The following TRIO variants were observed in gnomAD, a reference collection of about 807,000 sequenced individuals.
TRIO encodes trio Rho guanine nucleotide exchange factor, also known as triple functional domain protein.
In TRIO, 58 loss-of-function variants were observed where a neutral mutation model predicts 351.9. The observed-to-expected ratio is 0.16, with a 90% confidence interval of 0.13 to 0.21. The LOEUF (loss-of-function observed/expected upper bound fraction) is 0.21. TRIO is among the 10% of genes least tolerant of loss of function. TRIO has a pLI of 1.00. For synonymous variants in TRIO, 1,758 were observed against 1,595.7 expected, an observed-to-expected ratio of 1.10 and a Z score of -2.42; for missense variants, 3,201 against 4,027.8, an observed-to-expected ratio of 0.79 and a Z score of 5.56.
intron 1 of TRIO, 97 bp from the exon 2 acceptor site, chr5:14,270,728 T>C: frequency 1.2e-6 from 1 of 858,266 alleles, no homozygotes; most frequent in Non-Finnish European, 1.9e-6. Context: ...TTAATGGATG[T>C]GGATAAAGCT....
intron 49 of TRIO, among the ~76,000 whole-genome samples, chr5:14,496,171 A>G (rs964898341): frequency 5.9e-5 from 9 of 152,238 alleles, no homozygotes; most frequent in African/African-American, 2.2e-4. Context: ...TTGCACACAT[A>G]ATAGACTCTA....
intron 46 of TRIO, among the ~76,000 whole-genome samples, chr5:14,483,121 C>A (rs1755656417): frequency 6.6e-6 from 1 of 152,184 alleles, no homozygotes; most frequent in South Asian, 2.1e-4. Flanking sequence ...AGAAAAAGTT[C>A]ACTCGGTGTC....
At position 14,364,180 on chromosome 5, in the gene TRIO, G is replaced by T. The variant is rs1744398671; in HGVS notation, c.2587+253G>T. On this transcript the variant is annotated intron_variant, in intron 14 of 56. Transcript: ENST00000344204. ...CTTTAATTCTACACAATGATATGTT[G>T]TATCTCTGTAAATGAACTATAAATC... Among the ~76,000 whole-genome samples, 3 of 152,092 alleles carry T rather than the reference G, an allele frequency of 2.0e-5. No homozygotes were observed. In the East Asian group the frequency reaches 5.8e-4, roughly 29 times the overall value.
chr5:14,379,194 T>G (rs1431762015), intron 20 of TRIO, among the ~76,000 whole-genome samples: 1 of 152,204 alleles, frequency 6.6e-6, no homozygotes, highest in Non-Finnish European at 1.5e-5. Flanking sequence ...AGGGCAATTC[T>G]GTGATGACAG....
rs1253010371 is a variant in TRIO, at chr5:14,487,974, C to T, written c.7346C>T (p.Pro2449Leu). ...CTGGGCACCCTGCCGCTTGGGAAGC[C>T]CCGGGCCGGGGCCGCTTCGCCGCTG... ...ASLGTLPLGKPRAGAASPLNS... is the reference protein window; with the variant it reads ...ASLGTLPLGKLRAGAASPLNS... Residue 2449 changes from proline to leucine, a missense_variant, in exon 48 of 57, where the codon CCC becomes CTC. Pro to Leu is a moderately conservative substitution (Grantham distance 98). This residue lies in a region of TRIO where 1,089 missense variants were observed against 954.9 expected (regional missense o/e 1.14). Transcript: ENST00000344204. The T allele has an allele frequency of 1.3e-6, 2 of 1,553,724 alleles. No individual in the cohort carries two copies. The highest frequency in any genetic ancestry group is 1.2e-5 in the South Asian group (1 of 84,438).
At chr5:14,382,673 A>G (rs965104675) in intron 21 of TRIO, among the ~76,000 whole-genome samples, 1 of 152,216 alleles carries the variant, frequency 6.6e-6, no homozygotes, top group African/African-American at 2.4e-5. Flanking sequence ...CTGGCTGGAC[A>G]GTTTTCACTT....
At chr5:14,217,365 C>T (rs1276989832) in intron 1 of TRIO, among the ~76,000 whole-genome samples, 1 of 152,126 alleles carries the variant, frequency 6.6e-6, no homozygotes, top group Non-Finnish European at 1.5e-5. Context: ...TCTTTCTGGG[C>T]CCCTTTCTTG....
At chr5:14,387,660 A>C (rs1440349854) in intron 22 of TRIO, 28 bp downstream of exon 22, 2 of 1,608,716 alleles carry the variant, frequency 1.2e-6, no homozygotes, top group Non-Finnish European at 8.5e-7. Flanking sequence ...AACTGAATAA[A>C]TTATGGTCTT....
chr5:14,325,628 C>T (rs1740312603), intron 9 of TRIO, among the ~76,000 whole-genome samples: 1 of 152,120 alleles, frequency 6.6e-6, no homozygotes, highest in Non-Finnish European at 1.5e-5. Context: ...CAGTGTGGGA[C>T]TTGGCGGGGC....
intron 34 of TRIO, among the ~76,000 whole-genome samples, chr5:14,433,367 C>T (rs976479159): frequency 6.6e-6 from 1 of 152,150 alleles, no homozygotes; most frequent in South Asian, 2.1e-4. Flanking sequence ...CATCCCTTTC[C>T]CTCCAGAGCA....
intron 1 of TRIO, among the ~76,000 whole-genome samples, chr5:14,217,187 G>T (rs1268207234): frequency 6.6e-6 from 1 of 152,164 alleles, no homozygotes; most frequent in East Asian, 1.9e-4. Context: ...CTGGAGCCAG[G>T]AATGAACAAA....
chr5:14,384,300 C>T (rs1746361242), intron 21 of TRIO, among the ~76,000 whole-genome samples: 1 of 152,210 alleles, frequency 6.6e-6, no homozygotes, highest in Non-Finnish European at 1.5e-5. Context: ...AAATGCCTTA[C>T]TTTGTTAGAA....
In TRIO at chr5:14,461,235, G is replaced by T. The variant is rs200080176; in HGVS notation, c.5420G>T (p.Arg1807Leu). Residue 1807 changes from arginine to leucine, a missense_variant, in exon 35 of 57, where the codon CGC becomes CTC. Arg to Leu is a moderately radical substitution (Grantham distance 102). Transcript: ENST00000344204. ...AAGCACAAGAAGAGCCGCGAGGTCCGCAAGAGCGCCGACGCCGGCTCGCAG... is the reference window on the plus strand; with the variant it reads ...AAGCACAAGAAGAGCCGCGAGGTCCTCAAGAGCGCCGACGCCGGCTCGCAG... ...AHKHKKSREV[R>L]KSADAGSQKD... 2.5e-6 allele frequency: 4 copies of T among 1,585,584 alleles called. No individual in the cohort carries two copies. Among genetic ancestry groups the T allele is most frequent in the South Asian group, 1.1e-5 (1 of 87,182 alleles).
chr5:14,455,032 T>G (rs1432837888), intron 34 of TRIO, among the ~76,000 whole-genome samples: 3 of 152,100 alleles, frequency 2.0e-5, no homozygotes, highest in Non-Finnish European at 4.4e-5. Context: ...GGTGGGTTCG[T>G]GGTCTCGCTG....
chr5:14,242,611 G>C (rs930708772), intron 1 of TRIO, among the ~76,000 whole-genome samples: 2 of 152,166 alleles, frequency 1.3e-5, no homozygotes, highest in African/African-American at 2.4e-5. Flanking sequence ...GTCTCACTGT[G>C]TCACCCAGGC....
At chr5:14,379,473 AC>A (rs1745877590) in intron 20 of TRIO, among the ~76,000 whole-genome samples, 2 of 152,188 alleles carry the variant, frequency 1.3e-5, no homozygotes, top group African/African-American at 4.8e-5. Context: ...CTGGCGCCCC[AC>A]CTTGGTCCTT....
chr5:14,304,627 C>T (rs1307337960), intron 8 of TRIO, 35 bp downstream of exon 8: 2 of 1,589,666 alleles, frequency 1.3e-6, no homozygotes, highest in Non-Finnish European at 1.7e-6. Flanking sequence ...TGCAAAGCAG[C>T]ATCATTTTTG....
chr5:14,368,725 G>A lies in TRIO; in HGVS notation c.2892G>A (p.Ala964=), dbSNP rs911981049. The A allele has an allele frequency of 5.6e-6, 9 of 1,613,612 alleles. No individual in the cohort carries two copies. In the East Asian group the frequency reaches 6.7e-5, roughly 12 times the overall value. Residue 964 remains alanine (A), a synonymous_variant, in exon 17 of 57, where the codon GCG becomes GCA. Transcript: ENST00000344204. ...QHAIEKTHQS[A]LQVQQKAEAM... is the part of the protein sequence containing the mutation. Reference sequence around the variant, plus strand: ...GTCTCTAGAAAACACATCAGAGCGCGCTGCAGGTGCAGCAGAAGGCAGAAG... The same window carrying A: ...GTCTCTAGAAAACACATCAGAGCGCACTGCAGGTGCAGCAGAAGGCAGAAG...
At chr5:14,258,230 C>A (rs938986307) in intron 1 of TRIO, among the ~76,000 whole-genome samples, 6 of 152,222 alleles carry the variant, frequency 3.9e-5, no homozygotes, top group Non-Finnish European at 5.9e-5. Flanking sequence ...CACACCTCAT[C>A]CCCATGTGTG....
Sources: allele counts gnomAD v4.1 joint callset (sites outside exome capture counted in the v4.1 genomes callset), GRCh38; gene constraint gnomAD v4.1.1; regional missense constraint gnomAD v4.1.1; transcripts MANE v1.5; gene names NCBI Gene and HGNC (gene_info 2026-07-23, HGNC 2026-07-21).